The following RASAL1 variants were observed in gnomAD, a reference collection of about 807,000 sequenced individuals.
RASAL1 encodes rasGAP-activating-like protein 1.
Under a neutral mutation model 96.6 loss-of-function variants are expected in RASAL1, and 72 were observed. That is an observed-to-expected ratio of 0.75 (90% confidence interval 0.62 to 0.91). RASAL1 has a LOEUF of 0.91. Ranked by LOEUF, RASAL1 falls within the 40% of genes least tolerant of loss-of-function variation. The probability of loss-of-function intolerance (pLI) is 0.00; values close to 1 mark genes in which losing one functional copy is unlikely to be tolerated. For synonymous variants in RASAL1, 405 were observed against 430.4 expected, an observed-to-expected ratio of 0.94 and a Z score of 0.73; for missense variants, 1,016 against 1,072.5, an observed-to-expected ratio of 0.95 and a Z score of 0.74.
chr12:113,130,375 A>G lies in RASAL1; in HGVS notation c.122+510T>C, dbSNP rs574072512. ...GTGCACGTGCATGTACATGCACCCT[A>G]CACTGGTACACACACGTGAGCCTGT... On this transcript the variant is annotated intron_variant, in intron 2 of 20. Coordinates refer to ENST00000548055, the MANE Select transcript of RASAL1 (RefSeq NM_001301202.2). The surrounding 1 kb of genome is among the most constrained non-coding windows in gnomAD (Gnocchi z 5.1). Among the ~76,000 whole-genome samples the G allele has an allele frequency of 9.9e-5, 15 of 152,276 alleles. No homozygotes were observed. In the East Asian group the frequency reaches 2.1e-3, roughly 22 times the overall value.
intron 12 of RASAL1, 123 bp from the exon 13 acceptor site, chr12:113,112,401 GCCCCTTCCCAC>G: frequency 1.5e-6 from 1 of 683,796 alleles, no homozygotes; most frequent in Non-Finnish European, 2.1e-6. Flanking sequence ...CCTCCTTCCT[GCCCCTTCCCAC>G]CGGGTTTCTT....
In RASAL1 at chr12:113,100,032, G is replaced by T. The variant is rs1271461976; in HGVS notation, c.2315C>A (p.Ala772Glu). The T allele has an allele frequency of 1.9e-6, 3 of 1,613,072 alleles. No individual in the cohort carries two copies. Among genetic ancestry groups the T allele is most frequent in the African/African-American group, 1.3e-5 (1 of 75,048 alleles). Reference protein sequence around the residue: ...CPEVLARQRAATARLLEVLAD... With the variant: ...CPEVLARQRAETARLLEVLAD... ...GAGCACCTCCAGCAGGCGGGCAGTT[G>T]CTGCTCTTTGCCGGGCCAGGACCTC... Residue 772 changes from alanine (A) to glutamate (E), a missense_variant, in exon 21 of 21, where the codon GCA becomes GAA. Ala to Glu is a moderately radical substitution (Grantham distance 107, BLOSUM62 -1). Transcript: ENST00000548055.
Position 113,115,604 on chromosome 12 carries a change from G to A in RASAL1, c.1003+31C>T, listed in dbSNP as rs770070521. The A allele has an allele frequency of 6.8e-6, 11 of 1,607,396 alleles. No individual in the cohort carries two copies. The African/African-American group carries it at 9.4e-5, about 14-fold the overall frequency. On this transcript the variant is annotated intron_variant, in intron 10 of 20. Coordinates refer to ENST00000548055, the MANE Select transcript of RASAL1 (RefSeq NM_001301202.2). The surrounding 1 kb of genome is among the most constrained non-coding windows in gnomAD (Gnocchi z 4.1). ...CTCCTGCAAGCCCACCATTGAGGGC[G>A]GTGATGTCGGGGGTTGTGCGGGCAA...
At chr12:113,126,933 A>G (rs1004771876) in intron 4 of RASAL1, among the ~76,000 whole-genome samples, 1 of 136,770 alleles carries the variant, frequency 7.3e-6, no homozygotes, top group Non-Finnish European at 1.5e-5. Context: ...TAGTGTTCAG[A>G]ATAATATTTA....
intron 1 of RASAL1, among the ~76,000 whole-genome samples, chr12:113,134,008 T>C (rs1951816726): frequency 6.6e-6 from 1 of 152,112 alleles, no homozygotes; most frequent in South Asian, 2.1e-4. Flanking sequence ...CAGAGCTCAG[T>C]GAGTGAGAAC....
intron 4 of RASAL1, among the ~76,000 whole-genome samples, chr12:113,126,726 AC>A (rs1951497560): frequency 6.6e-6 from 1 of 151,182 alleles, no homozygotes; most frequent in Non-Finnish European, 1.5e-5. Flanking sequence ...ACACACACAC[AC>A]AAAAGGCATA....
At chr12:113,121,409 C>T in intron 5 of RASAL1, 100 bp downstream of exon 5, 1 of 1,551,650 alleles carries the variant, frequency 6.4e-7, no homozygotes. Context: ...AGAAGTGCCC[C>T]AGGACTGAGG....
intron 5 of RASAL1, among the ~76,000 whole-genome samples, chr12:113,120,878 TC>T (rs1294769691): frequency 1.3e-5 from 2 of 152,186 alleles, no homozygotes; most frequent in African/African-American, 4.8e-5. Flanking sequence ...GGCTTGTGAC[TC>T]AGGCCTGATC....
rs538136515 is a variant in RASAL1, at chr12:113,105,056, A to G, written c.1830+658T>C. Among the ~76,000 whole-genome samples the G allele has an allele frequency of 8.4e-4, 128 of 152,384 alleles. 1 individual carries two copies. Among genetic ancestry groups the G allele is most frequent in the African/African-American group, 3.0e-3 (125 of 41,598 alleles). ...ATTGGAACCCAGAGAACTGACCCCT[A>G]GAATCTCCATTCTTCTGATAAAATA... is the stretch of plus-strand genomic sequence containing the variant. On this transcript the variant is annotated intron_variant, in intron 16 of 20. Transcript: ENST00000548055.
At position 113,115,529 on chromosome 12, in the gene RASAL1, G is replaced by T; in HGVS notation, c.1003+106C>A. 4 of 1,417,394 alleles carry T rather than the reference G, an allele frequency of 2.8e-6. No homozygotes were observed. The highest frequency in any genetic ancestry group is 3.8e-6 in the Non-Finnish European group (4 of 1,051,446). 87.8% of individuals were successfully genotyped at this position (1,417,394 alleles called of 1,614,324 possible). On this transcript the variant is annotated intron_variant, in intron 10 of 20. Coordinates refer to ENST00000548055, the MANE Select transcript of RASAL1 (RefSeq NM_001301202.2). This position sits in a 1 kb window ranked among gnomAD's most constrained non-coding sequence, Gnocchi z 4.1. ...CACAGCACAGGGACCCACAGAAAAA[G>T]GAGCCCTTTTTCCCTCTGCCTGAGG...
intron 3 of RASAL1, 82 bp downstream of exon 3, chr12:113,127,983 C>A: frequency 6.5e-7 from 1 of 1,543,752 alleles, no homozygotes. Flanking sequence ...CCCTCGTGGG[C>A]TGTGGACCCA....
At chr12:113,128,557 T>C (rs975751089) in intron 2 of RASAL1, among the ~76,000 whole-genome samples, 35 of 150,546 alleles carry the variant, frequency 2.3e-4, no homozygotes, top group African/African-American at 8.6e-4. Context: ...CACACCCACA[T>C]ACAGGGCCCC....
chr12:113,107,261 G>T lies in RASAL1; in HGVS notation c.1513-20C>A. 6.4e-7 allele frequency: 1 copy of T among 1,573,380 alleles called. No homozygotes were observed. The highest frequency in any genetic ancestry group is 1.2e-5 in the South Asian group (1 of 84,182). ...CACAGCCTGGAGCAAAGAAGCGAGGGATGCCGGGGCCAAGGTCACAGCAGA... is the reference window on the plus strand; with the variant it reads ...CACAGCCTGGAGCAAAGAAGCGAGGTATGCCGGGGCCAAGGTCACAGCAGA... On this transcript the variant is annotated intron_variant, in intron 14 of 20. Transcript: ENST00000548055.
intron 4 of RASAL1, among the ~76,000 whole-genome samples, 176 bp downstream of exon 4, chr12:113,127,636 C>G (rs1293963985): frequency 6.6e-6 from 1 of 152,154 alleles, no homozygotes; most frequent in Non-Finnish European, 1.5e-5. Context: ...GGTGACAGAG[C>G]AAGACCTCAT....
chr12:113,135,315 G>T lies in RASAL1; in HGVS notation c.65+83C>A. On this transcript the variant is annotated intron_variant, in intron 1 of 20. Transcript: ENST00000548055. This position sits in a 1 kb window ranked among gnomAD's most constrained non-coding sequence, Gnocchi z 5.7. ...GAACCCCTCGCCCTCCTGCCAACCC[G>T]CCCTGGCACGCGGAAAGGGCGACGT... 1.5e-6 allele frequency: 2 copies of T among 1,358,134 alleles called. No individual in the cohort carries two copies. Among genetic ancestry groups the T allele is most frequent in the Non-Finnish European group, 1.0e-6 (1 of 978,094 alleles). The allele number at this position is 1,358,134 out of a possible 1,614,324, so 84.1% of individuals were successfully genotyped here.
chr12:113,128,299 C>A, intron 2 of RASAL1, 121 bp from the exon 3 acceptor site: 1 of 664,292 alleles, frequency 1.5e-6, no homozygotes, highest in South Asian at 1.7e-5. Flanking sequence ...CAGACACACA[C>A]ACACTCAGAG....
In RASAL1 at chr12:113,110,810, G is replaced by A. The variant is rs11066494; in HGVS notation, c.1374+1276C>T. On this transcript the variant is annotated intron_variant, in intron 13 of 20. Transcript: ENST00000548055. ...TGCACCCCTCTAGTCCCAGCAACTCGGGAGGCTGAGGTGGGAAGATCACTC... is the reference window on the plus strand; with the variant it reads ...TGCACCCCTCTAGTCCCAGCAACTCAGGAGGCTGAGGTGGGAAGATCACTC... 4.8e-3 allele frequency among the ~76,000 whole-genome samples: 738 copies of A among 152,268 alleles called. 5 individuals are homozygous for A. The highest frequency in any genetic ancestry group is 0.027 in the Middle Eastern group (8 of 294).
Position 113,130,877 on chromosome 12 carries a change from C to T in RASAL1, c.122+8G>A, listed in dbSNP as rs1009938021. ...CTTCCTCCTCTCCCCCGTGTCGCCA[C>T]CCCTCACCTGGCCACCACCTCGTCG... On this transcript the variant is annotated splice_region_variant and intron_variant, in intron 2 of 20. Transcript: ENST00000548055. The surrounding 1 kb of genome is among the most constrained non-coding windows in gnomAD (Gnocchi z 5.1). 3.1e-6 allele frequency: 5 copies of T among 1,612,522 alleles called. No homozygotes were observed. In the East Asian group the frequency reaches 1.1e-4, roughly 36 times the overall value.
chr12:113,135,577 C>T lies in RASAL1; in HGVS notation c.-115G>A. 3 of 878,558 alleles carry T rather than the reference C, an allele frequency of 3.4e-6. No homozygotes were observed. Among genetic ancestry groups the T allele is most frequent in the Non-Finnish European group, 5.4e-6 (3 of 560,052 alleles). The allele number at this position is 878,558 out of a possible 1,614,324, so 54.4% of individuals were successfully genotyped here. ...GGCTCCCTGCCTCGTGGTCCCAGTGCCGCCTGTCCGAGACCCGGGTAGCTG... is the reference window on the plus strand; with the variant it reads ...GGCTCCCTGCCTCGTGGTCCCAGTGTCGCCTGTCCGAGACCCGGGTAGCTG... On this transcript the variant is annotated 5_prime_UTR_variant, in exon 1 of 21. Coordinates refer to ENST00000548055, the MANE Select transcript of RASAL1 (RefSeq NM_001301202.2). This position sits in a 1 kb window ranked among gnomAD's most constrained non-coding sequence, Gnocchi z 5.7.
Sources: gnomAD v4.1 joint callset for allele counts (sites outside exome capture counted in the v4.1 genomes callset) on GRCh38, gnomAD v4.1.1 for gene constraint, Gnocchi (gnomAD v3.1) non-coding constraint, MANE v1.5 for transcripts, NCBI Gene and HGNC (gene_info 2026-07-23, HGNC 2026-07-21) for gene names.